The following SLC24A2 variants were observed in gnomAD, a reference collection of about 807,000 sequenced individuals.
The protein encoded by SLC24A2 is sodium/potassium/calcium exchanger 2.
In SLC24A2, 36 loss-of-function variants were observed where a neutral mutation model predicts 62.0. The ratio of observed to expected loss-of-function variants is 0.58; its 90% CI spans 0.44 to 0.77. The LOEUF (loss-of-function observed/expected upper bound fraction) is 0.77. Ranked by LOEUF, SLC24A2 falls within the 30% of genes least tolerant of loss-of-function variation. The pLI, the probability that SLC24A2 is intolerant of heterozygous loss-of-function variation, is 0.00. For synonymous variants in SLC24A2, 358 were observed against 294.0 expected, an observed-to-expected ratio of 1.22 and a Z score of -2.23; for missense variants, 846 against 817.9, an observed-to-expected ratio of 1.03 and a Z score of -0.42.
At chr9:19,827,555 TAC>T in the SLC24A2 span, among the ~76,000 whole-genome samples, 6 of 152,138 alleles carry the variant, frequency 3.9e-5, no homozygotes, top group Non-Finnish European at 8.8e-5. Flanking sequence ...CTCTAAGATG[TAC>T]ATTTTCATAT....
intron 9 of SLC24A2, among the ~76,000 whole-genome samples, chr9:19,523,892 A>C (rs1475492832): frequency 6.6e-6 from 1 of 152,210 alleles, no homozygotes; most frequent in African/African-American, 2.4e-5. Flanking sequence ...ACTTCATGAG[A>C]ATTTTCATTA....
At chr9:19,868,988 TTTG>T in the SLC24A2 span, among the ~76,000 whole-genome samples, 12 of 152,132 alleles carry the variant, frequency 7.9e-5, no homozygotes, top group East Asian at 1.3e-3. Context: ...TGTGGGATTT[TTTG>T]TTGTTGTTGA....
the SLC24A2 span, among the ~76,000 whole-genome samples, chr9:19,881,308 T>C: frequency 6.6e-6 from 1 of 152,116 alleles, no homozygotes; most frequent in African/African-American, 2.4e-5. Context: ...GAGCAAATAG[T>C]GTCCCCAGAA....
chr9:20,146,628 T>G, the SLC24A2 span, among the ~76,000 whole-genome samples: 2 of 151,988 alleles, frequency 1.3e-5, no homozygotes, highest in Non-Finnish European at 2.9e-5. Context: ...ATCCTCTCAG[T>G]ATAGTGGTAA....
At chr9:20,103,423 G>C in the SLC24A2 span, among the ~76,000 whole-genome samples, 9 of 152,180 alleles carry the variant, frequency 5.9e-5, no homozygotes, top group Admixed American at 5.9e-4. Context: ...CCTGACCCCC[G>C]AGCAGCCTAA....
At chr9:19,573,294 A>T in intron 7 of SLC24A2, 57 bp downstream of exon 7, 1 of 1,190,434 alleles carries the variant, frequency 8.4e-7, no homozygotes, top group Non-Finnish European at 1.3e-6. Context: ...CTGTGCTGCC[A>T]CGCTAGGATA....
chr9:19,685,598 G>A (rs74685974), intron 2 of SLC24A2, among the ~76,000 whole-genome samples: 17,455 of 151,810 alleles, frequency 0.11, 1,584 homozygotes, highest in African/African-American at 0.25. Context: ...GAACACAATA[G>A]AGAACCCAGA....
the SLC24A2 span, among the ~76,000 whole-genome samples, chr9:20,259,449 A>T: frequency 6.0e-4 from 92 of 152,254 alleles, no homozygotes; most frequent in African/African-American, 2.2e-3. Context: ...CCAAAAAAAA[A>T]TTAGTTTGTT....
At chr9:19,712,501 G>T (rs1003321759) in intron 2 of SLC24A2, among the ~76,000 whole-genome samples, 1 of 152,094 alleles carries the variant, frequency 6.6e-6, no homozygotes, top group African/African-American at 2.4e-5. Flanking sequence ...TTCTCCTTGG[G>T]GAGTTTGGAA....
the SLC24A2 span, among the ~76,000 whole-genome samples, chr9:20,096,479 G>A: frequency 3.6e-4 from 55 of 151,868 alleles, no homozygotes; most frequent in East Asian, 7.4e-3. Flanking sequence ...TTACTTTTCT[G>A]TATGTTTCAA....
At chr9:20,027,841 A>C in the SLC24A2 span, among the ~76,000 whole-genome samples, 1 of 152,238 alleles carries the variant, frequency 6.6e-6, no homozygotes, top group Non-Finnish European at 1.5e-5. Context: ...GATTGGTTTG[A>C]TATAACCACT....
the SLC24A2 span, among the ~76,000 whole-genome samples, chr9:19,825,156 G>A: frequency 4.6e-5 from 7 of 152,108 alleles, no homozygotes; most frequent in African/African-American, 1.4e-4. Flanking sequence ...TGCATGTTCT[G>A]CACATGTACC....
At chr9:19,531,211 T>TGGGG (rs1833692813) in intron 8 of SLC24A2, among the ~76,000 whole-genome samples, 1 of 152,178 alleles carries the variant, frequency 6.6e-6, no homozygotes, top group Non-Finnish European at 1.5e-5. Flanking sequence ...ACCATTTCCA[T>TGGGG]TTTCACACCC....
chr9:20,093,722 A>C, the SLC24A2 span, among the ~76,000 whole-genome samples: 2 of 152,234 alleles, frequency 1.3e-5, no homozygotes, highest in South Asian at 4.1e-4. Flanking sequence ...GTACAAAAAA[A>C]GTAGTTAGAA....
the SLC24A2 span, among the ~76,000 whole-genome samples, chr9:19,865,468 T>A: frequency 6.6e-6 from 1 of 152,086 alleles, no homozygotes; most frequent in Non-Finnish European, 1.5e-5. Context: ...TAGAAAGATA[T>A]GGTAATCAAA....
the SLC24A2 span, among the ~76,000 whole-genome samples, chr9:19,891,696 T>C: frequency 6.6e-6 from 1 of 152,250 alleles, no homozygotes; most frequent in African/African-American, 2.4e-5. Context: ...CAGTGAGCTA[T>C]GATCACGCCA....
chr9:20,245,066 G>T, the SLC24A2 span, among the ~76,000 whole-genome samples: 1 of 151,984 alleles, frequency 6.6e-6, no homozygotes, highest in South Asian at 2.1e-4. Context: ...TGTCATAATG[G>T]GAAAAATAAA....
At chr9:19,883,806 C>T in the SLC24A2 span, among the ~76,000 whole-genome samples, 1 of 152,060 alleles carries the variant, frequency 6.6e-6, no homozygotes, top group African/African-American at 2.4e-5. Flanking sequence ...ACCTCGTGAT[C>T]CGCCCACCTT....
the SLC24A2 span, among the ~76,000 whole-genome samples, chr9:20,010,072 A>G: frequency 5.3e-5 from 8 of 152,196 alleles, no homozygotes; most frequent in Admixed American, 5.2e-4. Context: ...GCTCCACCTG[A>G]TTTCAGAGTC....
Sources: allele counts gnomAD v4.1 joint callset (sites outside exome capture counted in the v4.1 genomes callset), GRCh38; gene constraint gnomAD v4.1.1; transcripts MANE v1.5; gene names NCBI Gene and HGNC (gene_info 2026-07-23, HGNC 2026-07-21).